The following CHD1L variants were observed in gnomAD, a reference collection of about 807,000 sequenced individuals.
The protein encoded by CHD1L is ATP-dependent chromatin remodeler CHD1L.
Under a neutral mutation model 115.9 loss-of-function variants are expected in CHD1L, and 118 were observed. That is an observed-to-expected ratio of 1.02 (90% CI 0.88 to 1.19). CHD1L has a LOEUF of 1.19. CHD1L is among the 50% of genes most tolerant of loss of function. The pLI is 0.00. For synonymous variants in CHD1L, 411 were observed against 387.1 expected (o/e 1.06, Z -0.72); for missense variants, 1,179 against 1,065.3 (o/e 1.11, Z -1.49).
At chr1:147,293,943 G>A (rs1006805640) in intron 21 of CHD1L, among the ~76,000 whole-genome samples, 10 of 151,978 alleles carry the variant, frequency 6.6e-5, no homozygotes, top group Non-Finnish European at 1.3e-4. Context: ...CATCCCCCGG[G>A]TATTTTTATC....
the CHD1L span, chr1:147,203,911 A>C: frequency 6.4e-7 from 1 of 1,552,282 alleles, no homozygotes; most frequent in East Asian, 2.2e-5. Context: ...CCATTTCTTC[A>C]AGGACAGGAG....
At chr1:147,285,559 A>C in intron 17 of CHD1L, 72 bp downstream of exon 17, 5 of 1,424,128 alleles carry the variant, frequency 3.5e-6, no homozygotes, top group Non-Finnish European at 4.7e-6. Context: ...CCACAGTTGA[A>C]TATCACTTTA....
chr1:147,180,957 C>T, the CHD1L span, among the ~76,000 whole-genome samples: 1 of 152,208 alleles, frequency 6.6e-6, no homozygotes, highest in African/African-American at 2.4e-5. Context: ...TCAAGGGCCA[C>T]ATTTTGAGAA....
intron 20 of CHD1L, among the ~76,000 whole-genome samples, chr1:147,292,442 G>A (rs868923168): frequency 1.3e-5 from 2 of 152,160 alleles, no homozygotes; most frequent in African/African-American, 4.8e-5. Flanking sequence ...CAGATTTTAA[G>A]CCAGAATTAA....
At chr1:147,234,887 T>C in the CHD1L span, among the ~76,000 whole-genome samples, 1 of 152,218 alleles carries the variant, frequency 6.6e-6, no homozygotes, top group Non-Finnish European at 1.5e-5. Context: ...CTTCAACTTA[T>C]ATACTAGGGT....
chr1:147,262,549 A>T (rs587709795), intron 6 of CHD1L, among the ~76,000 whole-genome samples: 1 of 152,220 alleles, frequency 6.6e-6, no homozygotes, highest in South Asian at 2.1e-4. Flanking sequence ...GCCTTCATTC[A>T]CCTCAGCTCT....
chr1:147,255,950 C>T (rs763155113), intron 4 of CHD1L, 23 bp downstream of exon 4: 58 of 1,512,888 alleles, frequency 3.8e-5, no homozygotes, highest in Admixed American at 5.2e-5. Context: ...TTCTCTATAG[C>T]GAGAACTCCT....
chr1:147,291,633 C>A, intron 20 of CHD1L, 81 bp downstream of exon 20: 1 of 1,112,324 alleles, frequency 9.0e-7, no homozygotes, highest in Non-Finnish European at 1.4e-6. Flanking sequence ...CCCAATTGGC[C>A]TCTCTGCTAG....
At chr1:147,187,645 C>G in the CHD1L span, among the ~76,000 whole-genome samples, 2 of 152,142 alleles carry the variant, frequency 1.3e-5, no homozygotes, top group Middle Eastern at 3.2e-3. Context: ...ATGGCATCCT[C>G]TATTATTTGA....
At chr1:147,276,286 T>C (rs1553957948) in intron 14 of CHD1L, 29 bp downstream of exon 14, 1 of 1,612,208 alleles carries the variant, frequency 6.2e-7, no homozygotes, top group African/African-American at 1.3e-5. Context: ...TTCTTCACTT[T>C]GGAATATACC....
chr1:147,284,260 TCTC>T, intron 15 of CHD1L, 88 bp from the exon 16 acceptor site: 1 of 1,050,032 alleles, frequency 9.5e-7, no homozygotes, highest in Non-Finnish European at 1.4e-6. Flanking sequence ...TATAGGCTGT[TCTC>T]CTGTCCACTT....
At chr1:147,178,332 A>G in the CHD1L span, 2 of 1,612,558 alleles carry the variant, frequency 1.2e-6, no homozygotes, top group South Asian at 1.1e-5. Context: ...CAGCTACCAG[A>G]TTAAAAGGAA....
intron 14 of CHD1L, among the ~76,000 whole-genome samples, chr1:147,278,933 G>C (rs587690465): frequency 6.6e-6 from 1 of 152,098 alleles, no homozygotes; most frequent in Non-Finnish European, 1.5e-5. Context: ...TAATGACTAA[G>C]ACACATTGCA....
chr1:147,193,752 G>C, the CHD1L span, among the ~76,000 whole-genome samples: 4 of 151,920 alleles, frequency 2.6e-5, no homozygotes, highest in East Asian at 7.7e-4. Flanking sequence ...TTCTGCTTTC[G>C]TTTCGTTATG....
chr1:147,237,024 A>G, the CHD1L span, among the ~76,000 whole-genome samples: 1 of 136,900 alleles, frequency 7.3e-6, no homozygotes, highest in Non-Finnish European at 1.5e-5. Context: ...ACCTGCAGGC[A>G]AGCACAGAGG....
At chr1:147,291,910 T>C (rs1685691201) in intron 20 of CHD1L, among the ~76,000 whole-genome samples, 1 of 152,080 alleles carries the variant, frequency 6.6e-6, no homozygotes, top group South Asian at 2.1e-4. Flanking sequence ...ACCCTTGTTT[T>C]AACTTCATTG....
chr1:147,295,242 T>C lies in CHD1L; in HGVS notation c.2616-189T>C, dbSNP rs587656660. On this transcript the variant is annotated intron_variant, in intron 22 of 22. Coordinates refer to ENST00000369258, the MANE Select transcript of CHD1L (RefSeq NM_004284.6). ...GTGCTTGCACAATTCGAGCAGTATC[T>C]AAAGAGTTTTAGTACTCTGAAAACA... 6.6e-5 allele frequency among the ~76,000 whole-genome samples: 10 copies of C among 152,318 alleles called. 1 individual carries two copies. In the South Asian group the frequency reaches 2.1e-3, roughly 32 times the overall value.
At chr1:147,262,346 G>A (rs1672257572) in intron 6 of CHD1L, among the ~76,000 whole-genome samples, 1 of 152,102 alleles carries the variant, frequency 6.6e-6, no homozygotes, top group Non-Finnish European at 1.5e-5. Flanking sequence ...CATGGAAAAT[G>A]TTTGCAAAGT....
the CHD1L span, among the ~76,000 whole-genome samples, chr1:147,219,840 C>CTTTTTTTTT: frequency 7.5e-6 from 1 of 132,898 alleles, no homozygotes; most frequent in Non-Finnish European, 1.6e-5. Flanking sequence ...ATGTTAATTG[C>CTTTTTTTTT]TTTTTTTTTT....
Sources: allele counts gnomAD v4.1 joint callset (sites outside exome capture counted in the v4.1 genomes callset), GRCh38; gene constraint gnomAD v4.1.1; transcripts MANE v1.5; gene names NCBI Gene and HGNC (gene_info 2026-07-23, HGNC 2026-07-21).